The following RNF216 variants were observed in gnomAD, a reference collection of about 807,000 sequenced individuals.
RNF216 encodes the protein ring finger protein 216.
A neutral mutation model predicts 110.8 loss-of-function variants in RNF216; 72 were observed. The observed-to-expected ratio is 0.65, with a 90% CI of 0.54 to 0.79. RNF216 has a LOEUF of 0.79. RNF216 is among the 30% of genes least tolerant of loss of function. The probability of loss-of-function intolerance (pLI) is 0.00; values close to 1 mark genes in which losing one functional copy is unlikely to be tolerated. For synonymous variants in RNF216, 495 were observed against 407.5 expected, an observed-to-expected ratio of 1.21 and a Z score of -2.59; for missense variants, 1,342 against 1,141.2, an observed-to-expected ratio of 1.18 and a Z score of -2.54.
intron 13 of RNF216, among the ~76,000 whole-genome samples, chr7:5,711,461 T>C (rs147713718): frequency 9.7e-4 from 148 of 152,302 alleles, no homozygotes; most frequent in African/African-American, 3.6e-3. Context: ...AAGAAAAATG[T>C]TGACACAGTG....
At chr7:5,722,682 G>A (rs984507470) in intron 8 of RNF216, among the ~76,000 whole-genome samples, 2 of 151,726 alleles carry the variant, frequency 1.3e-5, no homozygotes, top group East Asian at 2.0e-4. Flanking sequence ...GAGCCACCGC[G>A]CCCAGCCTCT....
chr7:5,771,121 T>G (rs541388787), intron 1 of RNF216, among the ~76,000 whole-genome samples: 1 of 152,182 alleles, frequency 6.6e-6, no homozygotes, highest in Non-Finnish European at 1.5e-5. Context: ...TTCAGTCTTA[T>G]ATGAATGTTT....
At chr7:5,710,229 G>A (rs953308044) in intron 13 of RNF216, among the ~76,000 whole-genome samples, 8 of 152,106 alleles carry the variant, frequency 5.3e-5, no homozygotes, top group Non-Finnish European at 5.9e-5. Context: ...GCGTGGTGGC[G>A]CATACCTGTG....
Position 5,712,741 on chromosome 7 carries a change from C to T in RNF216, c.1956G>A (p.Ala652=), listed in dbSNP as rs141187642. 52 of 1,614,076 alleles carry T rather than the reference C, an allele frequency of 3.2e-5. No individual in the cohort carries two copies. The highest frequency in any genetic ancestry group is 1.7e-4 in the African/African-American group (13 of 75,020). Residue 652 remains alanine (A), a synonymous_variant, in exon 12 of 17, where the codon GCG becomes GCA. Coordinates refer to ENST00000389902, the MANE Select transcript of RNF216 (RefSeq NM_207111.4). ...TGACAAGCTCGTCGGCGTAGGCTGC[C>T]GCAACCTCCTCCTCGGCTTTTCGCT... The part of the protein sequence containing the change: ...YYERKAEEEV[A]AAYADELVRC...
chr7:5,781,240 C>T (rs2128689940), intron 1 of RNF216, among the ~76,000 whole-genome samples: 1 of 152,254 alleles, frequency 6.6e-6, no homozygotes, highest in South Asian at 2.1e-4. Context: ...GGGCTGTTGC[C>T]CTCGCGCAGC....
intron 2 of RNF216, among the ~76,000 whole-genome samples, chr7:5,756,342 C>T (rs575933253): frequency 1.3e-5 from 2 of 152,322 alleles, no homozygotes; most frequent in South Asian, 2.1e-4. Context: ...TGAAAGCAGA[C>T]TAATACAGTT....
Position 5,752,139 on chromosome 7 carries a change from C to T in RNF216, c.201+707G>A, listed in dbSNP as rs1032690125. Reference sequence around the variant, plus strand: ...GGCGGAGGTTGCAGTGAGCCAAGATCGCGCCACTGCACTCCAGTCTGGGAA... The same window carrying T: ...GGCGGAGGTTGCAGTGAGCCAAGATTGCGCCACTGCACTCCAGTCTGGGAA... On this transcript the variant is annotated intron_variant, in intron 3 of 16. Transcript: ENST00000389902. Among the ~76,000 whole-genome samples, 28 of 151,728 alleles carry T rather than the reference C, an allele frequency of 1.8e-4. 1 individual carries two copies. Among genetic ancestry groups the T allele is most frequent in the Non-Finnish European group, 7.4e-5 (5 of 67,980 alleles).
At chr7:5,711,523 A>T (rs975844960) in intron 13 of RNF216, among the ~76,000 whole-genome samples, 3 of 152,228 alleles carry the variant, frequency 2.0e-5, no homozygotes, top group East Asian at 1.9e-4. Flanking sequence ...GTCCTAAAGA[A>T]GATGATATAA....
chr7:5,669,451 C>G (rs1789754454), intron 13 of RNF216, among the ~76,000 whole-genome samples: 1 of 152,192 alleles, frequency 6.6e-6, no homozygotes, highest in African/African-American at 2.4e-5. Context: ...GAAATCATCA[C>G]TCCATCTTGC....
intron 13 of RNF216, 87 bp from the exon 14 acceptor site, chr7:5,652,597 C>T: frequency 1.2e-6 from 1 of 835,228 alleles, no homozygotes; most frequent in Non-Finnish European, 2.0e-6. Flanking sequence ...ATGAAATGAG[C>T]TTTACTTGGC....
At chr7:5,736,439 T>C (rs1794403358) in intron 5 of RNF216, among the ~76,000 whole-genome samples, 1 of 152,192 alleles carries the variant, frequency 6.6e-6, no homozygotes, top group African/African-American at 2.4e-5. Context: ...TTGCCCAGGC[T>C]GCAGTGCAGT....
chr7:5,627,704 G>A (rs1306118123), intron 15 of RNF216, among the ~76,000 whole-genome samples: 2 of 151,100 alleles, frequency 1.3e-5, no homozygotes, highest in Non-Finnish European at 2.9e-5. Flanking sequence ...CCGAGATCGC[G>A]CCACTGCACT....
At chr7:5,704,353 G>A (rs1312282416) in intron 13 of RNF216, among the ~76,000 whole-genome samples, 1 of 152,190 alleles carries the variant, frequency 6.6e-6, no homozygotes, top group Non-Finnish European at 1.5e-5. Context: ...TCTCACACGG[G>A]TCAAAATTAG....
chr7:5,636,364 ATAAC>A (rs1162834608), intron 15 of RNF216, among the ~76,000 whole-genome samples: 1 of 152,178 alleles, frequency 6.6e-6, no homozygotes, highest in Non-Finnish European at 1.5e-5. Context: ...CTTCATTTTG[ATAAC>A]TAACAGAGAA....
chr7:5,734,149 C>T (rs1794254480), intron 5 of RNF216, among the ~76,000 whole-genome samples: 1 of 152,206 alleles, frequency 6.6e-6, no homozygotes, highest in Non-Finnish European at 1.5e-5. Context: ...AAGTAGAGTT[C>T]AGGAGACAAG....
intron 14 of RNF216, among the ~76,000 whole-genome samples, chr7:5,648,214 C>T (rs1788166681): frequency 6.6e-6 from 1 of 151,700 alleles, no homozygotes; most frequent in African/African-American, 2.4e-5. Flanking sequence ...TCAAGTGATT[C>T]TCTTGCCTCA....
chr7:5,711,620 T>C (rs897259879), intron 13 of RNF216, 141 bp downstream of exon 13: 15 of 694,650 alleles, frequency 2.2e-5, no homozygotes, highest in African/African-American at 5.5e-5. Context: ...AAAGTACTCG[T>C]CCTCATTTGC....
At chr7:5,736,011 T>A (rs1794374842) in intron 5 of RNF216, among the ~76,000 whole-genome samples, 1 of 152,184 alleles carries the variant, frequency 6.6e-6, no homozygotes, top group African/African-American at 2.4e-5. Flanking sequence ...GAGAATCACT[T>A]GAACCTGGGA....
chr7:5,622,790 G>C lies in RNF216; in HGVS notation c.*70C>G, dbSNP rs937362170. ...ATGCAATGGTACAGACACCAGCCTT[G>C]GGGGAGGGTTCTCCATCCACACTCC... On this transcript the variant is annotated 3_prime_UTR_variant, in exon 17 of 17. Coordinates refer to ENST00000389902, the MANE Select transcript of RNF216 (RefSeq NM_207111.4). The C allele has an allele frequency of 1.2e-5, 17 of 1,433,752 alleles. No homozygotes were observed. In the African/African-American group the frequency reaches 1.8e-4, roughly 15 times the overall value. The allele number at this position is 1,433,752 out of a possible 1,614,324, so 88.8% of individuals were successfully genotyped here.
Sources: allele counts gnomAD v4.1 joint callset (sites outside exome capture counted in the v4.1 genomes callset), GRCh38; gene constraint gnomAD v4.1.1; transcripts MANE v1.5; gene names NCBI Gene and HGNC (gene_info 2026-07-23, HGNC 2026-07-21).